KCNAB1: variants seen among roughly 807,000 people sequenced by gnomAD.
KCNAB1 encodes potassium voltage-gated channel subfamily A regulatory beta subunit 1.
Under a neutral mutation model 64.6 loss-of-function variants are expected in KCNAB1, and 35 were observed. That is an observed-to-expected ratio of 0.54 (90% CI 0.41 to 0.72). The LOEUF (loss-of-function observed/expected upper bound fraction) is 0.72, where lower values mean the gene tolerates loss of function less well. Among genes scored for constraint, KCNAB1 ranks in the 30% least tolerant of loss-of-function variants. The pLI is 0.00. For synonymous variants in KCNAB1, 177 were observed against 183.8 expected, an observed-to-expected ratio of 0.96 and a Z score of 0.30; for missense variants, 401 against 512.9, an observed-to-expected ratio of 0.78 and a Z score of 2.11.
chr3:156,509,450 G>A (rs1346056454), intron 8 of KCNAB1, among the ~76,000 whole-genome samples: 7 of 152,162 alleles, frequency 4.6e-5, no homozygotes, highest in African/African-American at 1.7e-4. Flanking sequence ...AGACAAGCAC[G>A]TTGGTTCTAA....
intron 1 of KCNAB1, among the ~76,000 whole-genome samples, chr3:156,284,531 C>G (rs1431903430): frequency 6.6e-6 from 1 of 152,220 alleles, no homozygotes; most frequent in South Asian, 2.1e-4. Context: ...TTTACCTAAT[C>G]AAGCCTGGGC....
intron 1 of KCNAB1, among the ~76,000 whole-genome samples, chr3:156,261,325 T>C (rs1718418688): frequency 6.6e-6 from 1 of 152,036 alleles, no homozygotes; most frequent in South Asian, 2.1e-4. Context: ...GCCAAGATCA[T>C]AAAGAATTCT....
chr3:156,331,723 A>T (rs1250429431), intron 1 of KCNAB1, among the ~76,000 whole-genome samples: 3 of 152,134 alleles, frequency 2.0e-5, no homozygotes, highest in Non-Finnish European at 2.9e-5. Context: ...TTGGCAGAAT[A>T]AAAGTTAGCA....
chr3:156,434,465 T>C (rs1353446401), intron 2 of KCNAB1, among the ~76,000 whole-genome samples: 2 of 152,064 alleles, frequency 1.3e-5, no homozygotes, highest in African/African-American at 4.8e-5. Context: ...CTTGACCAAA[T>C]TGGCAAAAGC....
intron 1 of KCNAB1, among the ~76,000 whole-genome samples, chr3:156,376,478 C>T (rs779985011): frequency 2.6e-5 from 4 of 151,954 alleles, no homozygotes; most frequent in Non-Finnish European, 5.9e-5. Flanking sequence ...AGGGCAAGGC[C>T]AACACTATAA....
chr3:156,125,592 A>G (rs2108257436), intron 1 of KCNAB1, among the ~76,000 whole-genome samples: 1 of 152,344 alleles, frequency 6.6e-6, no homozygotes, highest in South Asian at 2.1e-4. Flanking sequence ...TAGCTATAGC[A>G]TTTTGATACT....
intron 1 of KCNAB1, among the ~76,000 whole-genome samples, chr3:156,281,550 C>T (rs1243671076): frequency 6.6e-6 from 1 of 152,178 alleles, no homozygotes; most frequent in East Asian, 1.9e-4. Flanking sequence ...GTACCAATTC[C>T]TCCTTGTATC....
chr3:156,319,084 A>G (rs1008890949), intron 1 of KCNAB1, among the ~76,000 whole-genome samples: 2 of 152,238 alleles, frequency 1.3e-5, no homozygotes, highest in African/African-American at 4.8e-5. Context: ...ATTTCAAAGT[A>G]TAGCCCAAAG....
chr3:156,187,532 T>C (rs1713279884), intron 1 of KCNAB1, among the ~76,000 whole-genome samples: 1 of 152,216 alleles, frequency 6.6e-6, no homozygotes, highest in African/African-American at 2.4e-5. Context: ...GAAAACAGTA[T>C]GATGAAGTAC....
chr3:156,304,579 A>G (rs988365131), intron 1 of KCNAB1, among the ~76,000 whole-genome samples: 3 of 152,328 alleles, frequency 2.0e-5, no homozygotes, highest in African/African-American at 7.2e-5. Context: ...GGCAAATGAC[A>G]TTTCTGAACA....
intron 8 of KCNAB1, among the ~76,000 whole-genome samples, chr3:156,511,339 G>C (rs1331132936): frequency 1.3e-5 from 2 of 152,090 alleles, no homozygotes; most frequent in Admixed American, 6.5e-5. Context: ...TCCTGACCTC[G>C]TGATCCACCC....
chr3:156,502,898 T>C (rs560897478), intron 8 of KCNAB1, among the ~76,000 whole-genome samples: 2 of 152,270 alleles, frequency 1.3e-5, no homozygotes, highest in South Asian at 4.1e-4. Flanking sequence ...TCACTTAGGT[T>C]TGTTTGTTTG....
At chr3:156,463,830 C>T (rs963853415) in intron 6 of KCNAB1, 84 bp downstream of exon 6, 18 of 1,070,452 alleles carry the variant, frequency 1.7e-5, no homozygotes, top group Admixed American at 9.8e-5. Flanking sequence ...ATATAACGTA[C>T]CAAAATTAAT....
intron 1 of KCNAB1, among the ~76,000 whole-genome samples, chr3:156,255,098 G>A (rs1300903098): frequency 6.6e-6 from 1 of 152,146 alleles, no homozygotes; most frequent in African/African-American, 2.4e-5. Context: ...CCCATTAGTT[G>A]GAGGGCCTTT....
At chr3:156,153,323 A>G (rs1715526600) in intron 1 of KCNAB1, among the ~76,000 whole-genome samples, 1 of 152,198 alleles carries the variant, frequency 6.6e-6, no homozygotes, top group Admixed American at 6.5e-5. Flanking sequence ...TAAATCTTGG[A>G]TTTTAAGATG....
chr3:156,323,344 G>C (rs2108029588), intron 1 of KCNAB1, among the ~76,000 whole-genome samples: 1 of 152,158 alleles, frequency 6.6e-6, no homozygotes, highest in East Asian at 1.9e-4. Context: ...TTGGTGTTCG[G>C]GGAGAAATGA....
At chr3:156,423,520 A>C (rs1715606254) in intron 2 of KCNAB1, among the ~76,000 whole-genome samples, 1 of 152,190 alleles carries the variant, frequency 6.6e-6, no homozygotes, top group Non-Finnish European at 1.5e-5. Context: ...AAGTGTTAGA[A>C]GTTTGGAGAG....
intron 4 of KCNAB1, 33 bp downstream of exon 4, chr3:156,457,565 G>T: frequency 6.4e-7 from 1 of 1,552,436 alleles, no homozygotes; most frequent in East Asian, 2.2e-5. Context: ...CACTCAAATG[G>T]CATCTGTAGC....
At chr3:156,151,093 A>G (rs1052697966) in intron 1 of KCNAB1, among the ~76,000 whole-genome samples, 2 of 152,146 alleles carry the variant, frequency 1.3e-5, no homozygotes, top group Admixed American at 1.3e-4. Context: ...CTTGTTACAC[A>G]GTTAAGATGG....
Sources: gnomAD v4.1 joint callset for allele counts (sites outside exome capture counted in the v4.1 genomes callset) on GRCh38, gnomAD v4.1.1 for gene constraint, MANE v1.5 for transcripts, NCBI Gene and HGNC (gene_info 2026-07-23, HGNC 2026-07-21) for gene names.